Variants in ARHGAP24 observed in about 807,000 individuals in gnomAD.
ARHGAP24 encodes Rho GTPase activating protein 24.
A neutral mutation model predicts 76.4 loss-of-function variants in ARHGAP24; 50 were observed. That is an observed-to-expected ratio of 0.65 (90% CI 0.52 to 0.83). ARHGAP24 has a LOEUF of 0.83. ARHGAP24 is among the 40% of genes least tolerant of loss of function. The probability of loss-of-function intolerance (pLI) is 0.00; values close to 1 mark genes in which losing one functional copy is unlikely to be tolerated. For missense variants in ARHGAP24, 930 were observed against 914.2 expected (o/e 1.02, Z -0.22); for synonymous variants, 345 against 323.3 (o/e 1.07, Z -0.72).
At chr4:85,807,870 T>G (rs192808615) in intron 3 of ARHGAP24, among the ~76,000 whole-genome samples, 161 of 152,272 alleles carry the variant, frequency 1.1e-3, no homozygotes, top group African/African-American at 3.6e-3. Context: ...TTGGAGAGTA[T>G]GTTTTCTTAC....
chr4:85,873,487 G>A (rs141890665), intron 3 of ARHGAP24, among the ~76,000 whole-genome samples: 385 of 152,278 alleles, frequency 2.5e-3, no homozygotes, highest in African/African-American at 8.5e-3. Context: ...GCAGTGCAGA[G>A]GATTTACAAG....
chr4:85,757,060 A>G lies in ARHGAP24; in HGVS notation c.268+35088A>G, dbSNP rs1471992048. Among the ~76,000 whole-genome samples, 5 of 152,142 alleles carry G rather than the reference A, an allele frequency of 3.3e-5. No homozygotes were observed. The East Asian group carries it at 5.8e-4, about 18-fold the overall frequency. On this transcript the variant is annotated intron_variant, in intron 3 of 9. Coordinates refer to ENST00000395184, the MANE Select transcript of ARHGAP24 (RefSeq NM_001025616.3). ...GGAGCACAGTATTTCTCTAGAGGCC[A>G]GATAATCTTTCTGAGCCTGTAATGA...
chr4:85,765,629 CTACT>C (rs1286867479), intron 3 of ARHGAP24, among the ~76,000 whole-genome samples: 1 of 152,028 alleles, frequency 6.6e-6, no homozygotes, highest in Non-Finnish European at 1.5e-5. Context: ...TAAAAAATTA[CTACT>C]TACTTGAAGT....
In ARHGAP24 at chr4:85,537,299, C is replaced by G. The variant is rs1215373462; in HGVS notation, c.-20-33223C>G. Among the ~76,000 whole-genome samples the G allele has an allele frequency of 2.0e-5, 3 of 152,160 alleles. No homozygotes were observed. The East Asian group carries it at 5.8e-4, about 29-fold the overall frequency. ...GACCTAAGACTCAATTAGAGAAAAA[C>G]ACATTGACTATTGATGCAAGGTCTC... On this transcript the variant is annotated intron_variant, in intron 1 of 9. Coordinates refer to ENST00000395184, the MANE Select transcript of ARHGAP24 (RefSeq NM_001025616.3).
intron 3 of ARHGAP24, among the ~76,000 whole-genome samples, chr4:85,846,400 A>C (rs1359004433): frequency 6.6e-6 from 1 of 152,086 alleles, no homozygotes; most frequent in Non-Finnish European, 1.5e-5. Flanking sequence ...TTTTTTTATT[A>C]TTATTATTGA....
intron 3 of ARHGAP24, among the ~76,000 whole-genome samples, chr4:85,746,380 A>G (rs1407562882): frequency 1.3e-5 from 2 of 152,158 alleles, no homozygotes; most frequent in Non-Finnish European, 2.9e-5. Context: ...AAACTTATCC[A>G]TCCTGTAAGC....
intron 3 of ARHGAP24, among the ~76,000 whole-genome samples, chr4:85,785,847 A>C (rs539985315): frequency 1.3e-5 from 2 of 152,304 alleles, no homozygotes; most frequent in South Asian, 4.1e-4. Context: ...CCCTAGAGTC[A>C]TAAATTAATT....
intron 8 of ARHGAP24, among the ~76,000 whole-genome samples, chr4:85,981,881 A>G (rs1739689400): frequency 6.6e-6 from 1 of 151,662 alleles, no homozygotes; most frequent in African/African-American, 2.4e-5. Flanking sequence ...TCTTAAATTA[A>G]CTCTTCGCAT....
intron 3 of ARHGAP24, among the ~76,000 whole-genome samples, chr4:85,832,853 AGGG>A (rs1730063774): frequency 5.3e-5 from 8 of 152,318 alleles, no homozygotes; most frequent in Admixed American, 4.6e-4. Context: ...TGTCATGGGC[AGGG>A]GTAGAAATAG....
chr4:85,900,450 G>A (rs115162325), intron 3 of ARHGAP24, among the ~76,000 whole-genome samples: 2,595 of 151,760 alleles, frequency 0.017, 38 homozygotes, highest in Non-Finnish European at 0.026. Flanking sequence ...AGATAGAAGA[G>A]CATTCTTTTT....
At chr4:85,521,811 C>T (rs1724769834) in intron 1 of ARHGAP24, among the ~76,000 whole-genome samples, 1 of 152,128 alleles carries the variant, frequency 6.6e-6, no homozygotes. Flanking sequence ...CAGGAGCTAC[C>T]TTGCTAGAGA....
chr4:85,972,218 C>T (rs549341753), intron 6 of ARHGAP24, 50 bp downstream of exon 6: 18 of 1,607,392 alleles, frequency 1.1e-5, no homozygotes, highest in South Asian at 9.9e-5. Flanking sequence ...GAATTTTTTT[C>T]TGTGTTCTTA....
intron 1 of ARHGAP24, among the ~76,000 whole-genome samples, chr4:85,522,772 A>G (rs17010337): frequency 0.054 from 8,230 of 152,236 alleles, 716 homozygotes; most frequent in African/African-American, 0.18. Context: ...CTGTTTTGCT[A>G]TCATGTACTG....
intron 1 of ARHGAP24, among the ~76,000 whole-genome samples, chr4:85,562,268 G>C (rs923520359): frequency 6.6e-6 from 1 of 152,196 alleles, no homozygotes; most frequent in African/African-American, 2.4e-5. Context: ...AGATTAAATA[G>C]AAGGCTATGA....
chr4:85,932,144 A>G (rs1386406720), intron 4 of ARHGAP24, among the ~76,000 whole-genome samples: 2 of 152,222 alleles, frequency 1.3e-5, no homozygotes, highest in Non-Finnish European at 2.9e-5. Flanking sequence ...GTGTTAATTT[A>G]CATTCCTATC....
At chr4:85,985,945 A>G (rs2148863864) in intron 8 of ARHGAP24, among the ~76,000 whole-genome samples, 1 of 152,338 alleles carries the variant, frequency 6.6e-6, no homozygotes, top group South Asian at 2.1e-4. Context: ...CACCAGTTGG[A>G]AAATGAACCT....
At chr4:85,943,398 T>C (rs1737061500) in intron 5 of ARHGAP24, among the ~76,000 whole-genome samples, 1 of 152,208 alleles carries the variant, frequency 6.6e-6, no homozygotes, top group Non-Finnish European at 1.5e-5. Context: ...AGTTCATAGA[T>C]GGCACCTTTT....
chr4:85,578,741 G>A (rs1175589690), intron 2 of ARHGAP24, among the ~76,000 whole-genome samples: 1 of 47,142 alleles, frequency 2.1e-5, no homozygotes, highest in Non-Finnish European at 4.6e-5. Context: ...ATTAGCTATT[G>A]ATGTTACTAT....
chr4:85,504,348 G>A (rs1467476650), intron 1 of ARHGAP24, among the ~76,000 whole-genome samples: 1 of 152,148 alleles, frequency 6.6e-6, no homozygotes, highest in African/African-American at 2.4e-5. Context: ...TTGTGTGGGA[G>A]TCTAAGTCTC....
Sources: gnomAD v4.1 joint callset for allele counts (sites outside exome capture counted in the v4.1 genomes callset) on GRCh38, gnomAD v4.1.1 for gene constraint, MANE v1.5 for transcripts, NCBI Gene and HGNC (gene_info 2026-07-23, HGNC 2026-07-21) for gene names.